ALK: variants seen among roughly 807,000 people sequenced by gnomAD.
ALK encodes the protein ALK receptor tyrosine kinase.
A neutral mutation model predicts 163.1 loss-of-function variants in ALK; 74 were observed. That is an observed-to-expected ratio of 0.45 (90% CI 0.38 to 0.55). The LOEUF (loss-of-function observed/expected upper bound fraction) is 0.55. Ranked by LOEUF, ALK falls within the 20% of genes least tolerant of loss-of-function variation. The pLI, the probability that ALK is intolerant of heterozygous loss-of-function variation, is 0.00. For missense variants in ALK, 2,063 were observed against 2,105.3 expected, an observed-to-expected ratio of 0.98 and a Z score of 0.39; for synonymous variants, 960 against 843.2, an observed-to-expected ratio of 1.14 and a Z score of -2.40.
At chr2:29,248,486 C>CA (rs1160024186) in intron 12 of ALK, among the ~76,000 whole-genome samples, 1 of 152,192 alleles carries the variant, frequency 6.6e-6, no homozygotes, top group Non-Finnish European at 1.5e-5. Flanking sequence ...ACAAAAACCC[C>CA]AACTGAGCGG....
At chr2:29,230,628 G>C (rs1408851146) in intron 15 of ALK, among the ~76,000 whole-genome samples, 1 of 152,112 alleles carries the variant, frequency 6.6e-6, no homozygotes, top group Non-Finnish European at 1.5e-5. Context: ...GAACAAGCTT[G>C]AATCTAGAAT....
intron 4 of ALK, among the ~76,000 whole-genome samples, chr2:29,509,454 CCTT>C (rs1672448372): frequency 1.3e-5 from 2 of 152,184 alleles, no homozygotes; most frequent in African/African-American, 4.8e-5. Context: ...TTCAGTCCCT[CCTT>C]CTCTCATGCT....
intron 3 of ALK, among the ~76,000 whole-genome samples, chr2:29,589,998 G>A (rs1048986910): frequency 6.6e-6 from 1 of 152,182 alleles, no homozygotes; most frequent in Non-Finnish European, 1.5e-5. Context: ...CAGGGAATAA[G>A]AAACTATTGA....
intron 3 of ALK, among the ~76,000 whole-genome samples, chr2:29,675,642 C>A (rs2250076): frequency 0.62 from 94,591 of 151,860 alleles, 33,531 homozygotes; most frequent in Non-Finnish European, 0.78. Flanking sequence ...ACAGCTGGAT[C>A]CATGCCTGCT....
intron 4 of ALK, among the ~76,000 whole-genome samples, chr2:29,501,826 C>T (rs1202229405): frequency 3.9e-5 from 6 of 152,296 alleles, no homozygotes; most frequent in African/African-American, 1.4e-4. Context: ...ATTGAAACTT[C>T]GTACCAGTTA....
At chr2:29,361,148 C>T (rs1290083808) in intron 5 of ALK, among the ~76,000 whole-genome samples, 1 of 152,198 alleles carries the variant, frequency 6.6e-6, no homozygotes, top group Non-Finnish European at 1.5e-5. Context: ...AAATCAATAC[C>T]CCTGACTGGC....
At chr2:29,769,910 G>T (rs1680970536) in intron 1 of ALK, among the ~76,000 whole-genome samples, 1 of 152,216 alleles carries the variant, frequency 6.6e-6, no homozygotes, top group Non-Finnish European at 1.5e-5. Flanking sequence ...ATAGTGTGGA[G>T]GCCTAGCAGC....
intron 9 of ALK, among the ~76,000 whole-genome samples, chr2:29,282,086 T>G (rs1278765491): frequency 6.6e-6 from 1 of 152,154 alleles, no homozygotes; most frequent in Non-Finnish European, 1.5e-5. Flanking sequence ...CTGGGCACCA[T>G]GTCTCACATT....
chr2:29,538,197 G>A (rs1483102235), intron 3 of ALK, among the ~76,000 whole-genome samples: 2 of 152,072 alleles, frequency 1.3e-5, no homozygotes, highest in South Asian at 2.1e-4. Flanking sequence ...TTTGGGGGGG[G>A]CAGGGGTGAA....
chr2:29,718,690 G>C (rs1240867862), intron 1 of ALK, among the ~76,000 whole-genome samples: 8 of 152,164 alleles, frequency 5.3e-5, no homozygotes, highest in Admixed American at 5.2e-4. Flanking sequence ...GATCATCTCT[G>C]TTTTACAGAT....
chr2:29,887,208 G>A (rs944363998), intron 1 of ALK, among the ~76,000 whole-genome samples: 1 of 152,188 alleles, frequency 6.6e-6, no homozygotes, highest in Non-Finnish European at 1.5e-5. Flanking sequence ...CATGTGGCAT[G>A]AGCTGGAGTC....
intron 9 of ALK, among the ~76,000 whole-genome samples, chr2:29,290,094 T>C (rs1187749924): frequency 6.6e-6 from 1 of 152,196 alleles, no homozygotes; most frequent in Non-Finnish European, 1.5e-5. Context: ...TGGAGGTTTG[T>C]ACATTTCATG....
chr2:29,510,253 G>A (rs2148139593), intron 4 of ALK, among the ~76,000 whole-genome samples: 1 of 152,316 alleles, frequency 6.6e-6, no homozygotes, highest in East Asian at 1.9e-4. Flanking sequence ...AGTATGAAAT[G>A]TCCCTAGCAA....
At chr2:29,623,895 G>C (rs1676114007) in intron 3 of ALK, among the ~76,000 whole-genome samples, 1 of 152,164 alleles carries the variant, frequency 6.6e-6, no homozygotes. Flanking sequence ...TATTTGTAAA[G>C]CATGTTTACA....
intron 4 of ALK, among the ~76,000 whole-genome samples, chr2:29,422,358 C>T (rs566171624): frequency 1.3e-5 from 2 of 151,196 alleles, no homozygotes; most frequent in Non-Finnish European, 2.9e-5. Flanking sequence ...TGACTGACTA[C>T]ATGTACCTAA....
intron 1 of ALK, among the ~76,000 whole-genome samples, chr2:29,909,476 CAGACAGAGAGAG>C (rs1290071915): frequency 5.2e-5 from 5 of 96,708 alleles, no homozygotes; most frequent in African/African-American, 1.5e-4. Context: ...GAGAGACAGA[CAGACAGAGAGAG>C]AGAGAGAGAG....
intron 4 of ALK, among the ~76,000 whole-genome samples, chr2:29,405,740 A>G (rs549540716): frequency 1.3e-5 from 2 of 152,370 alleles, no homozygotes; most frequent in African/African-American, 4.8e-5. Context: ...GATAAAAGGA[A>G]AACTAATGGA....
intron 1 of ALK, among the ~76,000 whole-genome samples, chr2:29,820,007 G>C (rs1039250181): frequency 6.6e-6 from 1 of 152,200 alleles, no homozygotes; most frequent in Non-Finnish European, 1.5e-5. Context: ...GTAACAGAGC[G>C]TGATGGTTTT....
intron 1 of ALK, among the ~76,000 whole-genome samples, chr2:29,749,643 T>C (rs968950999): frequency 6.6e-6 from 1 of 151,962 alleles, no homozygotes; most frequent in Non-Finnish European, 1.5e-5. Flanking sequence ...GGCCCATCGT[T>C]CTCAGTCCCC....
Sources: allele counts gnomAD v4.1 joint callset (sites outside exome capture counted in the v4.1 genomes callset), GRCh38; gene constraint gnomAD v4.1.1; transcripts MANE v1.5; gene names NCBI Gene and HGNC (gene_info 2026-07-23, HGNC 2026-07-21).